Variants in SLAMF1 observed in about 807,000 individuals in gnomAD.
SLAMF1 encodes the protein signaling lymphocytic activation molecule family member 1, also known as signaling lymphocytic activation molecule.
In SLAMF1, 18 loss-of-function variants were observed where a neutral mutation model predicts 35.1. The observed-to-expected ratio is 0.51, with a 90% confidence interval of 0.35 to 0.76. The LOEUF (loss-of-function observed/expected upper bound fraction) is 0.76. SLAMF1 is among the 30% of genes least tolerant of loss of function. The pLI is 0.01. For missense variants in SLAMF1, 392 were observed against 413.0 expected, an observed-to-expected ratio of 0.95 and a Z score of 0.44; for synonymous variants, 168 against 157.2, an observed-to-expected ratio of 1.07 and a Z score of -0.51.
chr1:160,613,930 G>A (rs1659145887), intron 5 of SLAMF1, among the ~76,000 whole-genome samples: 2 of 152,174 alleles, frequency 1.3e-5, no homozygotes, highest in Admixed American at 1.3e-4. Flanking sequence ...TAAGTGCTTG[G>A]GCATGGTCTA....
At position 160,646,878 on chromosome 1, in the gene SLAMF1, T is replaced by C. The variant is rs1448701546; in HGVS notation, c.68A>G (p.Tyr23Cys). The change falls in exon 1 of 7, where the codon TAC becomes TGC. Residue 23 changes from tyrosine (Y) to cysteine (C), a missense_variant. Transcript: ENST00000302035. ...LFLSLAFGASYGTGGRMMNCP... is the reference protein window; with the variant it reads ...LFLSLAFGASCGTGGRMMNCP... Reference sequence around the variant, plus strand: ...GGCAGATGAACACTCACCTGTTCCGTAGCTTGCCCCAAAAGCCAGGGAGAG... The same window carrying C: ...GGCAGATGAACACTCACCTGTTCCGCAGCTTGCCCCAAAAGCCAGGGAGAG... 6.3e-7 allele frequency: 1 copy of C among 1,594,738 alleles called. No individual in the cohort carries two copies. The highest frequency in any genetic ancestry group is 8.6e-7 in the Non-Finnish European group (1 of 1,162,996).
intron 3 of SLAMF1, among the ~76,000 whole-genome samples, chr1:160,630,128 A>G (rs1660090722): frequency 6.6e-6 from 1 of 152,220 alleles, no homozygotes; most frequent in African/African-American, 2.4e-5. Context: ...ATTCTAGCAC[A>G]GCCATATCTA....
intron 4 of SLAMF1, 103 bp downstream of exon 4, chr1:160,623,993 T>G (rs570102614): frequency 5.2e-6 from 4 of 771,390 alleles, no homozygotes; most frequent in East Asian, 5.2e-5. Flanking sequence ...GGTGGCCCCA[T>G]GCAGAAAGCC....
At chr1:160,635,252 G>A (rs959511610) in intron 2 of SLAMF1, among the ~76,000 whole-genome samples, 23 of 152,194 alleles carry the variant, frequency 1.5e-4, no homozygotes, top group African/African-American at 5.1e-4. Flanking sequence ...GTTGGCTTAC[G>A]TTGTTACTTC....
chr1:160,641,494 G>A (rs916102534), intron 1 of SLAMF1, among the ~76,000 whole-genome samples: 11 of 151,992 alleles, frequency 7.2e-5, no homozygotes, highest in Admixed American at 3.9e-4. Context: ...TAAAATAAAC[G>A]AAAGAACATA....
Position 160,624,147 on chromosome 1 carries a change from C to A in SLAMF1, c.739G>T (p.Gly247Cys), listed in dbSNP as rs893202159. 28 of 1,610,538 alleles carry A rather than the reference C, an allele frequency of 1.7e-5. No individual in the cohort carries two copies. The highest frequency in any genetic ancestry group is 2.1e-5 in the Non-Finnish European group (25 of 1,178,798). The change falls in exon 4 of 7, where the codon GGT (glycine) becomes TGT (cysteine). Residue 247 changes from glycine (G) to cysteine (C), a missense_variant. Gly to Cys is a radical substitution (Grantham distance 159). Coordinates refer to ENST00000302035, the MANE Select transcript of SLAMF1 (RefSeq NM_003037.5). The stretch of plus-strand genomic sequence containing the variant: ...ACCATGATGAGAATCATGATGACAC[C>A]CCCTAACAGCCCAGCATACACTGCC... Reference protein sequence around the residue: ...PWAVYAGLLGGVIMILIMVVI... With the variant: ...PWAVYAGLLGCVIMILIMVVI...
intron 1 of SLAMF1, among the ~76,000 whole-genome samples, chr1:160,645,333 A>C (rs556359638): frequency 2.6e-5 from 4 of 152,238 alleles, no homozygotes; most frequent in Non-Finnish European, 5.9e-5. Flanking sequence ...GTGTATTTAA[A>C]AATAAAAACA....
intron 1 of SLAMF1, among the ~76,000 whole-genome samples, chr1:160,640,967 T>C (rs1452132854): frequency 6.6e-6 from 1 of 152,200 alleles, no homozygotes; most frequent in African/African-American, 2.4e-5. Context: ...ACCACACTTA[T>C]GGATGCCTGA....
intron 3 of SLAMF1, among the ~76,000 whole-genome samples, chr1:160,627,113 C>T (rs1659924974): frequency 6.6e-6 from 1 of 152,178 alleles, no homozygotes; most frequent in Non-Finnish European, 1.5e-5. Flanking sequence ...CTGGGTCTAC[C>T]ACTTGATAGC....
intron 4 of SLAMF1, among the ~76,000 whole-genome samples, chr1:160,620,523 A>T (rs1481795442): frequency 6.6e-6 from 1 of 152,214 alleles, no homozygotes; most frequent in Non-Finnish European, 1.5e-5. Context: ...GCCAATTTTA[A>T]AAAGCTTTCT....
intron 3 of SLAMF1, among the ~76,000 whole-genome samples, chr1:160,625,162 G>C (rs1659812442): frequency 6.6e-6 from 1 of 152,166 alleles, no homozygotes; most frequent in African/African-American, 2.4e-5. Context: ...GAGACTTATG[G>C]GCTTGGAAAA....
intron 6 of SLAMF1, among the ~76,000 whole-genome samples, 175 bp downstream of exon 6, chr1:160,612,313 G>A (rs1214925634): frequency 6.6e-6 from 1 of 151,008 alleles, no homozygotes; most frequent in Admixed American, 6.6e-5. Context: ...AGGTAAACTT[G>A]TGTCATGAGG....
chr1:160,613,104 T>C (rs1659089477), intron 5 of SLAMF1, among the ~76,000 whole-genome samples: 1 of 152,176 alleles, frequency 6.6e-6, no homozygotes. Context: ...AAAGACCAAA[T>C]GTTTTCCTAA....
At chr1:160,618,908 G>A (rs1659456018) in intron 5 of SLAMF1, among the ~76,000 whole-genome samples, 2 of 152,138 alleles carry the variant, frequency 1.3e-5, no homozygotes, top group Admixed American at 6.5e-5. Context: ...GGGGAAGGAT[G>A]GAGCTGGGTT....
chr1:160,614,611 C>T (rs896253006), intron 5 of SLAMF1, among the ~76,000 whole-genome samples: 1 of 150,742 alleles, frequency 6.6e-6, no homozygotes, highest in African/African-American at 2.4e-5. Context: ...CCTTTATCAA[C>T]AGATGCAACC....
chr1:160,618,462 C>T (rs1166633560), intron 5 of SLAMF1, among the ~76,000 whole-genome samples: 1 of 151,622 alleles, frequency 6.6e-6, no homozygotes, highest in Non-Finnish European at 1.5e-5. Flanking sequence ...TTAGAAGCAG[C>T]TGGAAGTAGC....
rs772729449 is a variant in SLAMF1 at position 160,634,725 on chromosome 1, G to A, written c.588C>T (p.Leu196=). ...TGTCAGCATGCTGGGGGCCGAGGGT[G>A]AGGGACAGGAGGTGGGAGCTGTTGG... is the stretch of plus-strand genomic sequence containing the variant. ...NPANSSHLLS[L]TLGPQHADNI... The change falls in exon 3 of 7, where the codon CTC becomes CTT. Residue 196 remains leucine (L), a synonymous_variant. Transcript: ENST00000302035. 1.1e-5 allele frequency: 17 copies of A among 1,614,080 alleles called. No homozygotes were observed. In the African/African-American group the frequency reaches 1.9e-4, roughly 18 times the overall value.
intron 3 of SLAMF1, among the ~76,000 whole-genome samples, chr1:160,630,234 A>G (rs1357561597): frequency 6.6e-6 from 1 of 152,210 alleles, no homozygotes; most frequent in Non-Finnish European, 1.5e-5. Flanking sequence ...AGAGTACTTC[A>G]TAGCACCCTA....
intron 3 of SLAMF1, 85 bp downstream of exon 3, chr1:160,634,528 G>A (rs1660324035): frequency 2.1e-6 from 3 of 1,449,710 alleles, no homozygotes; most frequent in African/African-American, 1.4e-5. Context: ...TAAGGTGAAT[G>A]CCATGGCTGG....
Sources: gnomAD v4.1 joint callset for allele counts (sites outside exome capture counted in the v4.1 genomes callset) on GRCh38, gnomAD v4.1.1 for gene constraint, MANE v1.5 for transcripts, NCBI Gene and HGNC (gene_info 2026-07-23, HGNC 2026-07-21) for gene names.